Variants in BRWD3 observed in about 807,000 individuals in gnomAD.
BRWD3 encodes the protein bromodomain and WD repeat domain containing 3.
BRWD3 carries 10 observed loss-of-function variants against 149.7 expected under a neutral mutation model. The ratio of observed to expected loss-of-function variants is 0.07; its 90% confidence interval spans 0.04 to 0.11. The LOEUF is 0.11. BRWD3 is among the 10% of genes least tolerant of loss of function. The probability of loss-of-function intolerance (pLI) is 1.00; values close to 1 mark genes in which losing one functional copy is unlikely to be tolerated. For missense variants in BRWD3, 940 were observed against 1,373.2 expected (o/e 0.68, Z 4.99); for synonymous variants, 504 against 456.7 (o/e 1.10, Z -1.32).
At chrX:80,809,409 G>GCACCCCCC in intron 1 of BRWD3, 32 bp downstream of exon 1, 1 of 1,050,251 alleles carries the variant, frequency 9.5e-7, no homozygotes, top group Non-Finnish European at 1.3e-6. Flanking sequence ...CATTCCCTTA[G>GCACCCCCC]CACCCCCCCA....
rs2073363004 is a variant in BRWD3 at position 80,733,506 on chromosome X, G to A, written c.1087-10C>T. ...CAGCAACAACTTTATCCTAAGACAT[G>A]AAACAGATTTTTCGTTAAAATGGAC... On this transcript the variant is annotated splice_polypyrimidine_tract_variant and intron_variant, in intron 11 of 40. Transcript: ENST00000373275. The A allele has an allele frequency of 8.4e-7, 1 of 1,186,456 alleles. No homozygotes were observed. Among genetic ancestry groups the A allele is most frequent in the Non-Finnish European group, 1.1e-6 (1 of 875,616 alleles).
Position 80,676,523 on chromosome X carries a change from A to G in BRWD3, c.*86T>C, listed in dbSNP as rs1330880927. On this transcript the variant is annotated 3_prime_UTR_variant, in exon 41 of 41. Transcript: ENST00000373275. The stretch of plus-strand genomic sequence containing the variant: ...AATGTGAAAGGAAGCAGAAGTCCCC[A>G]CACAACTTGCTTTGTAGATTTCCTG... 1.4e-5 allele frequency: 16 copies of G among 1,109,630 alleles called. No homozygotes were observed. The highest frequency in any genetic ancestry group is 2.4e-5 in the Admixed American group (1 of 42,520). The allele number at this position is 1,109,630 out of a possible 1,213,427, so 91.4% of individuals were successfully genotyped here.
At chrX:80,711,719 G>A in intron 20 of BRWD3, among the ~76,000 whole-genome samples, 1 of 112,060 alleles carries the variant, frequency 8.9e-6, no homozygotes, top group Non-Finnish European at 1.9e-5. Flanking sequence ...TTGATTCTAG[G>A]TCTTTAGACA....
Position 80,801,187 on chromosome X carries a change from C to T in BRWD3, c.180+7352G>A, listed in dbSNP as rs1290686817. Among the ~76,000 whole-genome samples the T allele has an allele frequency of 3.9e-5, 4 of 101,988 alleles. No individual in the cohort carries two copies. In the Admixed American group the frequency reaches 4.4e-4, roughly 11 times the overall value. 88.6% of individuals were successfully genotyped at this position (101,988 alleles called of 115,157 possible). A position where few individuals can be genotyped will look rare whatever the true frequency, so the allele number is the denominator to read the frequency against. On this transcript the variant is annotated intron_variant, in intron 4 of 40. Coordinates refer to ENST00000373275, the MANE Select transcript of BRWD3 (RefSeq NM_153252.5). Reference sequence around the variant, plus strand: ...CCCAGCTAACTATAAGACACAATGGCGGATACTAAGGGGCATGAGAAAACA... The same window carrying T: ...CCCAGCTAACTATAAGACACAATGGTGGATACTAAGGGGCATGAGAAAACA...
At chrX:80,740,714 A>C (rs1206700996) in intron 8 of BRWD3, among the ~76,000 whole-genome samples, 4 of 111,766 alleles carry the variant, frequency 3.6e-5, no homozygotes, top group African/African-American at 1.3e-4. Flanking sequence ...CCACCACTGC[A>C]CTCCAGCATG....
chrX:80,777,187 C>T (rs2074008692), intron 6 of BRWD3, among the ~76,000 whole-genome samples: 1 of 109,720 alleles, frequency 9.1e-6, no homozygotes, highest in African/African-American at 3.3e-5. Flanking sequence ...CAGAAAATCA[C>T]TAACCACGAC....
At chrX:80,765,407 C>T (rs1486955065) in intron 6 of BRWD3, among the ~76,000 whole-genome samples, 1 of 111,743 alleles carries the variant, frequency 8.9e-6, no homozygotes, top group Middle Eastern at 4.2e-3. Flanking sequence ...AAGGTCAATA[C>T]AAGGCTGGTG....
In BRWD3 at chrX:80,803,142, G is replaced by A. The variant is rs1300447978; in HGVS notation, c.180+5397C>T. Among the ~76,000 whole-genome samples, 3 of 107,719 alleles carry A rather than the reference G, an allele frequency of 2.8e-5. No individual in the cohort carries two copies. The Admixed American group carries it at 3.0e-4, about 11-fold the overall frequency. 93.5% of individuals were successfully genotyped at this position (107,719 alleles called of 115,157 possible). ...AAAAAAAAAGAAATGTCAAGCAAGG[G>A]CATCTCTAAATTATGACACAAACAC... On this transcript the variant is annotated intron_variant, in intron 4 of 40. Coordinates refer to ENST00000373275, the MANE Select transcript of BRWD3 (RefSeq NM_153252.5).
chrX:80,809,103 C>T, intron 2 of BRWD3, 61 bp from the exon 3 acceptor site: 1 of 1,162,878 alleles, frequency 8.6e-7, no homozygotes, highest in Non-Finnish European at 1.2e-6. Flanking sequence ...ATTCCTCCCT[C>T]CACACTTAAA....
At chrX:80,716,103 A>G (rs970670154) in intron 20 of BRWD3, 54 bp downstream of exon 20, 2 of 993,415 alleles carry the variant, frequency 2.0e-6, no homozygotes, top group African/African-American at 1.9e-5. Context: ...AAAGCCTATT[A>G]TCTACAAATA....
intron 6 of BRWD3, among the ~76,000 whole-genome samples, chrX:80,755,055 C>A (rs890295159): frequency 9.0e-6 from 1 of 111,228 alleles, no homozygotes; most frequent in East Asian, 2.8e-4. Context: ...GCTTTTTCTG[C>A]CATCTACTGA....
intron 16 of BRWD3, 113 bp from the exon 17 acceptor site, chrX:80,722,900 T>G (rs375029296): frequency 3.1e-6 from 2 of 643,716 alleles, no homozygotes; most frequent in South Asian, 5.0e-5. Context: ...TTGCATACTC[T>G]TCTAGTCCTT....
chrX:80,808,404 A>C, intron 4 of BRWD3, 135 bp downstream of exon 4: 2 of 511,962 alleles, frequency 3.9e-6, no homozygotes, highest in Non-Finnish European at 3.4e-6. Context: ...GGATGGGGGA[A>C]GGGGCAGTCG....
intron 6 of BRWD3, among the ~76,000 whole-genome samples, chrX:80,775,042 G>C (rs2073985957): frequency 8.9e-6 from 1 of 112,098 alleles, no homozygotes; most frequent in Admixed American, 9.5e-5. Flanking sequence ...ATGTAGACCA[G>C]GGGCTGGCAA....
chrX:80,687,663 T>C (rs904423352), intron 34 of BRWD3, among the ~76,000 whole-genome samples: 12 of 110,448 alleles, frequency 1.1e-4, no homozygotes, highest in South Asian at 4.0e-4. Context: ...AACAATGTGA[T>C]TTGTGCTGAA....
intron 28 of BRWD3, 148 bp downstream of exon 28, chrX:80,692,792 T>G: frequency 2.1e-6 from 1 of 481,391 alleles, no homozygotes; most frequent in Admixed American, 3.6e-5. Flanking sequence ...GAACTGAGCA[T>G]TTTACCATCA....
rs748635655 is a variant in BRWD3 at position 80,677,316 on chromosome X, G to A, written c.4702C>T (p.Arg1568Trp). Residue 1568 changes from arginine to tryptophan, a missense_variant, in exon 41 of 41, where the codon CGG becomes TGG. Arg to Trp is a moderately radical substitution (Grantham distance 101). Around this residue, in one of 6 missense-constraint regions of BRWD3, gnomAD observed 349 missense variants for 419.6 expected, o/e 0.83. Coordinates refer to ENST00000373275, the MANE Select transcript of BRWD3 (RefSeq NM_153252.5). ...PLTNGDGREP[R>W]TGIKRKLLSA... ...AGTAGTTTTCTCTTGATTCCTGTCC[G>A]GGGCTCTCTGCCATCACCATTTGTA... 1.2e-5 allele frequency: 14 copies of A among 1,205,232 alleles called. No homozygotes were observed. The Admixed American group carries it at 1.3e-4, about 11-fold the overall frequency.
chrX:80,710,344 A>G (rs1298699767), intron 20 of BRWD3: 3 of 334,172 alleles, frequency 9.0e-6, no homozygotes, highest in East Asian at 1.3e-4. Flanking sequence ...TGGGCCTCAC[A>G]TTTTCCAAAC....
chrX:80,730,655 T>A (rs772425479), intron 12 of BRWD3, among the ~76,000 whole-genome samples: 1 of 111,610 alleles, frequency 9.0e-6, no homozygotes, highest in South Asian at 3.7e-4. Context: ...TAAAAACCAA[T>A]GAATTTTATG....
Sources: allele counts gnomAD v4.1 joint callset (sites outside exome capture counted in the v4.1 genomes callset), GRCh38; gene constraint gnomAD v4.1.1; regional missense constraint gnomAD v4.1.1; transcripts MANE v1.5; gene names NCBI Gene and HGNC (gene_info 2026-07-23, HGNC 2026-07-21).